The following PLCL1 variants were observed in gnomAD, a reference collection of about 807,000 sequenced individuals.
PLCL1 encodes the protein phospholipase C like 1 (inactive).
A neutral mutation model predicts 84.4 loss-of-function variants in PLCL1; 41 were observed. The observed-to-expected ratio is 0.49, with a 90% CI of 0.38 to 0.63. The LOEUF (loss-of-function observed/expected upper bound fraction) is 0.63. Among genes scored for constraint, PLCL1 ranks in the 30% least tolerant of loss-of-function variants. The pLI is 0.00. For synonymous variants in PLCL1, 490 were observed against 488.3 expected, an observed-to-expected ratio of 1.00 and a Z score of -0.05; for missense variants, 1,206 against 1,367.8, an observed-to-expected ratio of 0.88 and a Z score of 1.87.
At chr2:198,076,894 G>A (rs890174433) in intron 1 of PLCL1, among the ~76,000 whole-genome samples, 2 of 152,316 alleles carry the variant, frequency 1.3e-5, no homozygotes, top group African/African-American at 4.8e-5. Flanking sequence ...TAGGCCTTGT[G>A]TATGGGTAAG....
At chr2:197,806,382 A>T (rs1690479984) in intron 1 of PLCL1, among the ~76,000 whole-genome samples, 1 of 152,218 alleles carries the variant, frequency 6.6e-6, no homozygotes, top group South Asian at 2.1e-4. Flanking sequence ...ATATATTCAA[A>T]AGCTCTGTTC....
At chr2:197,936,897 G>A (rs922949771) in intron 1 of PLCL1, among the ~76,000 whole-genome samples, 1 of 152,136 alleles carries the variant, frequency 6.6e-6, no homozygotes, top group Non-Finnish European at 1.5e-5. Context: ...TTTTCTGCTA[G>A]TAGTTTTATA....
chr2:197,939,072 T>G (rs1308045725), intron 1 of PLCL1, among the ~76,000 whole-genome samples: 1 of 152,166 alleles, frequency 6.6e-6, no homozygotes, highest in Non-Finnish European at 1.5e-5. Flanking sequence ...AGAAGGAGGA[T>G]CAATGGCACT....
At chr2:198,039,343 C>G (rs1250579486) in intron 1 of PLCL1, among the ~76,000 whole-genome samples, 1 of 152,108 alleles carries the variant, frequency 6.6e-6, no homozygotes, top group Non-Finnish European at 1.5e-5. Context: ...TACCTGTAGA[C>G]GTTTTAGGAG....
intron 1 of PLCL1, among the ~76,000 whole-genome samples, chr2:197,990,920 T>C (rs1278158462): frequency 6.6e-6 from 1 of 152,188 alleles, no homozygotes; most frequent in Non-Finnish European, 1.5e-5. Context: ...TGTTATAGAA[T>C]ATGGATAATT....
chr2:197,935,634 A>G (rs1689036576), intron 1 of PLCL1, among the ~76,000 whole-genome samples: 1 of 152,142 alleles, frequency 6.6e-6, no homozygotes, highest in Non-Finnish European at 1.5e-5. Flanking sequence ...GGGAGAAGGG[A>G]GAGGATCGAA....
chr2:197,858,486 A>G (rs144679932), intron 1 of PLCL1, among the ~76,000 whole-genome samples: 300 of 151,968 alleles, frequency 2.0e-3, no homozygotes, highest in Non-Finnish European at 3.6e-3. Context: ...ATGGCCATGG[A>G]TATTTTTGGG....
intron 1 of PLCL1, among the ~76,000 whole-genome samples, chr2:198,019,784 G>A (rs1037988316): frequency 2.0e-5 from 3 of 152,210 alleles, no homozygotes; most frequent in Non-Finnish European, 4.4e-5. Context: ...AAAGTGACAA[G>A]GAGAATAGAA....
At chr2:197,933,811 A>G (rs1688996079) in intron 1 of PLCL1, among the ~76,000 whole-genome samples, 1 of 152,170 alleles carries the variant, frequency 6.6e-6, no homozygotes, top group East Asian at 1.9e-4. Context: ...AATTGTCTAT[A>G]TAATAATTGT....
At chr2:197,807,815 G>A (rs1191072998) in intron 1 of PLCL1, among the ~76,000 whole-genome samples, 1 of 152,086 alleles carries the variant, frequency 6.6e-6, no homozygotes, top group Non-Finnish European at 1.5e-5. Flanking sequence ...ATAATGCTGA[G>A]CCACTGAAAG....
chr2:198,078,450 G>A (rs1409370484), intron 1 of PLCL1, among the ~76,000 whole-genome samples: 1 of 152,106 alleles, frequency 6.6e-6, no homozygotes, highest in African/African-American at 2.4e-5. Flanking sequence ...TTGTATATAT[G>A]AACAGATAGG....
intron 1 of PLCL1, among the ~76,000 whole-genome samples, chr2:198,047,193 GT>G (rs1491399757): frequency 7.5e-6 from 1 of 133,838 alleles, no homozygotes; most frequent in South Asian, 2.4e-4. Context: ...GTGTGTGTGT[GT>G]TTTGTTTTGA....
rs116547303 is a variant in PLCL1, at chr2:198,082,649, A to G, written c.241-1109A>G. Among the ~76,000 whole-genome samples, 460 of 152,230 alleles carry G rather than the reference A, an allele frequency of 3.0e-3. 2 individuals carry two copies. The highest frequency in any genetic ancestry group is 0.01 in the African/African-American group (430 of 41,536). ...GTGGTCAGAACAGAGACTAGTATAA[A>G]GAAATACCCAGTGTAAGTGGCATCA... is the stretch of plus-strand genomic sequence containing the variant. On this transcript the variant is annotated intron_variant, in intron 1 of 5. Coordinates refer to ENST00000428675, the MANE Select transcript of PLCL1 (RefSeq NM_006226.4).
At chr2:197,912,471 G>C (rs1198853773) in intron 1 of PLCL1, among the ~76,000 whole-genome samples, 1 of 151,930 alleles carries the variant, frequency 6.6e-6, no homozygotes, top group East Asian at 1.9e-4. Flanking sequence ...TATAAATCTT[G>C]CTGCTATAAA....
intron 1 of PLCL1, among the ~76,000 whole-genome samples, chr2:197,832,368 T>G (rs974278863): frequency 1.3e-5 from 2 of 152,170 alleles, no homozygotes; most frequent in African/African-American, 4.8e-5. Context: ...AAGAGAATAC[T>G]ATAAACACCT....
rs192455123 is a variant in PLCL1, at chr2:197,810,248, G to C, written c.240+4909G>C. On this transcript the variant is annotated intron_variant, in intron 1 of 5. Transcript: ENST00000428675. ...ATGGTCACATTTCACCTTAGAAGTG[G>C]TTGCTTCTTATTGCAGGGTCTTTCT... 8.0e-3 allele frequency: 9,616 copies of C among 1,206,062 alleles called. 56 individuals carry two copies. The highest frequency in any genetic ancestry group is 9.6e-3 in the Non-Finnish European group (8,799 of 920,192). 74.7% of individuals were successfully genotyped at this position (1,206,062 alleles called of 1,614,324 possible).
At chr2:197,998,831 A>G (rs1690529345) in intron 1 of PLCL1, among the ~76,000 whole-genome samples, 1 of 152,228 alleles carries the variant, frequency 6.6e-6, no homozygotes, top group Non-Finnish European at 1.5e-5. Context: ...CTGTCTTACG[A>G]TCTTGATCAA....
chr2:198,064,251 C>T (rs115125635), intron 1 of PLCL1, among the ~76,000 whole-genome samples: 17 of 152,196 alleles, frequency 1.1e-4, no homozygotes, highest in Admixed American at 4.6e-4. Context: ...CATTATAGTG[C>T]CTTATATCCT....
intron 5 of PLCL1, among the ~76,000 whole-genome samples, chr2:198,145,932 G>A (rs140608724): frequency 6.6e-6 from 1 of 152,252 alleles, no homozygotes; most frequent in East Asian, 1.9e-4. Flanking sequence ...AGAGGAGAGG[G>A]AAGAAGCTAC....
Sources: gnomAD v4.1 joint callset for allele counts (sites outside exome capture counted in the v4.1 genomes callset) on GRCh38, gnomAD v4.1.1 for gene constraint, MANE v1.5 for transcripts, NCBI Gene and HGNC (gene_info 2026-07-23, HGNC 2026-07-21) for gene names.